TMTC2: variants seen among roughly 807,000 people sequenced by gnomAD.
TMTC2 encodes the protein protein O-mannosyl-transferase TMTC2.
A neutral mutation model predicts 82.4 loss-of-function variants in TMTC2; 43 were observed. The observed-to-expected ratio is 0.52, with a 90% CI of 0.41 to 0.67. TMTC2 has a LOEUF of 0.67. TMTC2 is among the 30% of genes least tolerant of loss of function. The probability of loss-of-function intolerance (pLI) is 0.00; values close to 1 mark genes in which losing one functional copy is unlikely to be tolerated. For synonymous variants in TMTC2, 408 were observed against 381.9 expected (o/e 1.07, Z -0.80); for missense variants, 919 against 1,012.4 (o/e 0.91, Z 1.25).
intron 3 of TMTC2, among the ~76,000 whole-genome samples, chr12:82,908,781 A>G (rs1288882294): frequency 6.6e-6 from 1 of 152,056 alleles, no homozygotes; most frequent in Non-Finnish European, 1.5e-5. Context: ...GCTAGGCATA[A>G]TGTTTTGGTT....
chr12:83,115,923 G>A (rs973914481), intron 11 of TMTC2, among the ~76,000 whole-genome samples: 2 of 152,126 alleles, frequency 1.3e-5, no homozygotes, highest in East Asian at 1.9e-4. Context: ...TAGTAGCTGG[G>A]ACTACAGGCA....
rs1233376507 is a variant in TMTC2 at position 82,687,477 on chromosome 12, A to T, written c.-110A>T. Reference sequence around the variant, plus strand: ...AGGGAGGGTGGGGAAGCGAGGGAAAAGTGAAGCTGGGAGGAGAAGGCGGCG... The same window carrying T: ...AGGGAGGGTGGGGAAGCGAGGGAAATGTGAAGCTGGGAGGAGAAGGCGGCG... On this transcript the variant is annotated 5_prime_UTR_variant, in exon 1 of 12. It adds an upstream start codon to the 5' untranslated region. Transcript: ENST00000321196. The T allele has an allele frequency of 1.8e-5, 19 of 1,052,518 alleles. No homozygotes were observed. The highest frequency in any genetic ancestry group is 3.1e-4 in the Middle Eastern group (1 of 3,248). The allele number at this position is 1,052,518 out of a possible 1,614,324, so 65.2% of individuals were successfully genotyped here.
chr12:82,707,862 T>C (rs1251029753), intron 1 of TMTC2, among the ~76,000 whole-genome samples: 1 of 152,216 alleles, frequency 6.6e-6, no homozygotes, highest in East Asian at 1.9e-4. Flanking sequence ...TGGCAATAAG[T>C]AGTATTCTTG....
chr12:83,007,100 A>G (rs1880239211), intron 8 of TMTC2, among the ~76,000 whole-genome samples: 1 of 152,052 alleles, frequency 6.6e-6, no homozygotes, highest in Admixed American at 6.5e-5. Context: ...ATAATAGAAA[A>G]AAACCCAGAA....
chr12:83,084,559 G>A (rs993951005), intron 11 of TMTC2, among the ~76,000 whole-genome samples: 5 of 152,072 alleles, frequency 3.3e-5, no homozygotes, highest in African/African-American at 1.2e-4. Flanking sequence ...TGAAAACAAA[G>A]GTATGTGAAA....
intron 1 of TMTC2, among the ~76,000 whole-genome samples, chr12:82,732,189 T>A (rs1874852237): frequency 6.6e-6 from 1 of 152,254 alleles, no homozygotes; most frequent in Non-Finnish European, 1.5e-5. Context: ...TCCTGCTGCG[T>A]AATACCAATT....
chr12:82,688,727 G>C (rs1872448105), intron 1 of TMTC2, among the ~76,000 whole-genome samples: 1 of 152,174 alleles, frequency 6.6e-6, no homozygotes, highest in Non-Finnish European at 1.5e-5. Flanking sequence ...GATTTACTTT[G>C]ACAGCTTTTC....
chr12:83,094,102 C>T (rs975900225), intron 11 of TMTC2, among the ~76,000 whole-genome samples: 1 of 152,152 alleles, frequency 6.6e-6, no homozygotes, highest in East Asian at 1.9e-4. Flanking sequence ...TTGAGGAGCA[C>T]ACAGTTTTGT....
intron 1 of TMTC2, among the ~76,000 whole-genome samples, chr12:82,719,437 C>G (rs1874087526): frequency 6.6e-6 from 1 of 151,954 alleles, no homozygotes; most frequent in African/African-American, 2.4e-5. Flanking sequence ...AGCACAGTTA[C>G]AAAATAAGCA....
chr12:82,970,535 T>A lies in TMTC2; in HGVS notation c.1948+3538T>A, dbSNP rs1200022. ...TTTTTAGTAGAGACGGGGTTTCACC[T>A]TGTTAGCCAGGATGGTCTCGATCTC... On this transcript the variant is annotated intron_variant, in intron 7 of 11. Coordinates refer to ENST00000321196, the MANE Select transcript of TMTC2 (RefSeq NM_152588.3). Among the ~76,000 whole-genome samples the A allele has an allele frequency of 3.4e-5, 5 of 147,796 alleles. No individual in the cohort carries two copies. In the South Asian group the frequency reaches 1.1e-3, roughly 32 times the overall value.
chr12:83,078,820 A>ATATT (rs1883371996), intron 11 of TMTC2, among the ~76,000 whole-genome samples: 1 of 152,186 alleles, frequency 6.6e-6, no homozygotes, highest in Non-Finnish European at 1.5e-5. Flanking sequence ...GCTTTACAAC[A>ATATT]TATTTACATT....
intron 1 of TMTC2, among the ~76,000 whole-genome samples, chr12:82,799,116 T>C (rs7133807): frequency 0.26 from 39,398 of 152,020 alleles, 5,261 homozygotes; most frequent in Middle Eastern, 0.4. Flanking sequence ...CAGGGAATTA[T>C]CTGTAGCAGC....
intron 8 of TMTC2, among the ~76,000 whole-genome samples, chr12:83,007,830 T>G (rs1328566150): frequency 6.6e-6 from 1 of 152,184 alleles, no homozygotes; most frequent in East Asian, 1.9e-4. Context: ...ATAAATTCCC[T>G]CAGGTTTTGT....
intron 7 of TMTC2, among the ~76,000 whole-genome samples, chr12:82,985,202 C>T (rs1879101854): frequency 6.6e-6 from 1 of 151,928 alleles, no homozygotes; most frequent in African/African-American, 2.4e-5. Flanking sequence ...GAGTCTACAC[C>T]TGCATGACAC....
chr12:82,734,497 C>T (rs1874987845), intron 1 of TMTC2, among the ~76,000 whole-genome samples: 1 of 152,206 alleles, frequency 6.6e-6, no homozygotes, highest in Non-Finnish European at 1.5e-5. Context: ...GTGCATCCTT[C>T]TCTTGCTTTG....
At chr12:82,998,701 C>T (rs1879783974) in intron 8 of TMTC2, among the ~76,000 whole-genome samples, 1 of 152,036 alleles carries the variant, frequency 6.6e-6, no homozygotes, top group Non-Finnish European at 1.5e-5. Flanking sequence ...TTTCCTTTAA[C>T]TGGGATGCTC....
Position 82,850,799 on chromosome 12 carries a change from C to T in TMTC2, c.84-6211C>T, listed in dbSNP as rs185630979. On this transcript the variant is annotated intron_variant, in intron 1 of 11. Coordinates refer to ENST00000321196, the MANE Select transcript of TMTC2 (RefSeq NM_152588.3). Reference sequence around the variant, plus strand: ...TAACACAGTGGGCAGGGCACAGTGGCTCACGCCTGTAATCCCAGCACTTAG... The same window carrying T: ...TAACACAGTGGGCAGGGCACAGTGGTTCACGCCTGTAATCCCAGCACTTAG... Among the ~76,000 whole-genome samples, 96 of 152,324 alleles carry T rather than the reference C, an allele frequency of 6.3e-4. 1 individual carries two copies. Among genetic ancestry groups the T allele is most frequent in the African/African-American group, 2.3e-3 (96 of 41,564 alleles).
chr12:83,054,655 T>C (rs112350117), intron 10 of TMTC2, among the ~76,000 whole-genome samples: 175 of 151,004 alleles, frequency 1.2e-3, no homozygotes, highest in Non-Finnish European at 2.0e-3. Context: ...TAAATATGCA[T>C]ATATAATTAC....
At chr12:82,742,414 A>T (rs1423159926) in intron 1 of TMTC2, among the ~76,000 whole-genome samples, 1 of 152,066 alleles carries the variant, frequency 6.6e-6, no homozygotes, top group African/African-American at 2.4e-5. Flanking sequence ...CCACCACTAT[A>T]TGGTAGCTAG....
Sources: allele counts gnomAD v4.1 joint callset (sites outside exome capture counted in the v4.1 genomes callset), GRCh38; gene constraint gnomAD v4.1.1; transcripts MANE v1.5; gene names NCBI Gene and HGNC (gene_info 2026-07-23, HGNC 2026-07-21).